The following ABCC10 variants were observed in gnomAD, a reference collection of about 807,000 sequenced individuals.
The protein encoded by ABCC10 is ATP-binding cassette sub-family C member 10.
In ABCC10, 110 loss-of-function variants were observed where a neutral mutation model predicts 143.2. The ratio of observed to expected loss-of-function variants is 0.77; its 90% CI spans 0.66 to 0.90. The LOEUF (loss-of-function observed/expected upper bound fraction) is 0.90. Among genes scored for constraint, ABCC10 ranks in the 40% least tolerant of loss-of-function variants. The pLI is 0.00. For synonymous variants in ABCC10, 805 were observed against 846.7 expected (o/e 0.95, Z 0.85); for missense variants, 1,700 against 1,900.5 (o/e 0.89, Z 1.96).
intron 4 of ABCC10, 67 bp downstream of exon 4, chr6:43,434,915 G>C: frequency 6.6e-7 from 1 of 1,516,070 alleles, no homozygotes; most frequent in Non-Finnish European, 9.1e-7. Flanking sequence ...AGAGGCTTGG[G>C]CCCTCAGTGC....
At chr6:43,437,637 G>A (rs538574517) in intron 6 of ABCC10, among the ~76,000 whole-genome samples, 1 of 152,164 alleles carries the variant, frequency 6.6e-6, no homozygotes, top group African/African-American at 2.4e-5. Context: ...GTTTACCTTG[G>A]AAGTTCTTGG....
chr6:43,447,424 C>G lies in ABCC10; in HGVS notation c.3705+16C>G, dbSNP rs200400219. 3 of 1,610,168 alleles carry G rather than the reference C, an allele frequency of 1.9e-6. No homozygotes were observed. Among genetic ancestry groups the G allele is most frequent in the Non-Finnish European group, 2.5e-6 (3 of 1,178,756 alleles). ...GCCACTGCAGGTGGGCCTGTACCCC[C>G]ACCCCAGGCCAAAGCTCTGGAACCC... On this transcript the variant is annotated intron_variant, in intron 17 of 21. Coordinates refer to ENST00000372530, the MANE Select transcript of ABCC10 (RefSeq NM_001198934.2).
intron 16 of ABCC10, 75 bp from the exon 17 acceptor site, chr6:43,447,173 T>G: frequency 6.6e-7 from 1 of 1,525,676 alleles, no homozygotes; most frequent in East Asian, 2.3e-5. Context: ...ATGCCAGCAG[T>G]CCACAGCCTG....
chr6:43,451,199 C>T (rs1783711391), downstream of ABCC10: 2 of 1,614,092 alleles, frequency 1.2e-6, no homozygotes, highest in Admixed American at 3.3e-5. The surrounding 1 kb of genome is among the most constrained non-coding windows in gnomAD (Gnocchi z 4.4). Flanking sequence ...CCACAAAGCC[C>T]ACCAAGCAGC....
At position 43,435,891 on chromosome 6, in the gene ABCC10, G is replaced by T; in HGVS notation, c.1749G>T (p.Gln583His). The change falls in exon 5 of 22, where the codon CAG becomes CAT. Residue 583 changes from glutamine (Q) to histidine (H), a missense_variant. Physicochemically the swap from Gln to His is conservative, Grantham distance 24 (BLOSUM62 0). Coordinates refer to ENST00000372530, the MANE Select transcript of ABCC10 (RefSeq NM_001198934.2). ...LFLDLPNHNP[Q>H]AYYSPDPPAE... Reference sequence around the variant, plus strand: ...TCGACCTTCCAAACCACAACCCCCAGGCCTACTACAGCCCAGGTAATGGGA... The same window carrying T: ...TCGACCTTCCAAACCACAACCCCCATGCCTACTACAGCCCAGGTAATGGGA... The T allele has an allele frequency of 1.9e-6, 3 of 1,614,118 alleles. No homozygotes were observed. Among genetic ancestry groups the T allele is most frequent in the Admixed American group, 1.7e-5 (1 of 60,012 alleles).
At chr6:43,429,227 G>C (rs1780829965) in intron 2 of ABCC10, among the ~76,000 whole-genome samples, 1 of 61,044 alleles carries the variant, frequency 1.6e-5, no homozygotes, top group Non-Finnish European at 3.4e-5. Context: ...AAAGAGACTT[G>C]AAGGGGTGAT....
Position 43,450,269 on chromosome 6 carries a change from T to A in ABCC10, c.*178T>A. The stretch of plus-strand genomic sequence containing the variant: ...AATCACTCCTTGGTGGGCAGCATCC[T>A]GAGGCTTCCCCAGAACCAGGCCTCT... On this transcript the variant is annotated 3_prime_UTR_variant, in exon 22 of 22. Coordinates refer to ENST00000372530, the MANE Select transcript of ABCC10 (RefSeq NM_001198934.2). The surrounding 1 kb of genome is among the most constrained non-coding windows in gnomAD (Gnocchi z 4.5). The A allele has an allele frequency of 1.1e-6, 1 of 913,802 alleles. No individual in the cohort carries two copies. Among genetic ancestry groups the A allele is most frequent in the East Asian group, 2.8e-5 (1 of 35,868 alleles). The allele number at this position is 913,802 out of a possible 1,614,324, so 56.6% of individuals were successfully genotyped here.
Position 43,449,142 on chromosome 6 carries a change from A to T in ABCC10, c.4141A>T (p.Ser1381Cys). The T allele has an allele frequency of 1.9e-6, 3 of 1,613,974 alleles. No individual in the cohort carries two copies. Among genetic ancestry groups the T allele is most frequent in the Non-Finnish European group, 2.5e-6 (3 of 1,179,988 alleles). ...LDGELGEGGRSLSLGQRQLLC... is the reference protein window; with the variant it reads ...LDGELGEGGRCLSLGQRQLLC... ...TGGTGAGCTGGGTGAGGGGGGCCGG[A>T]GCTTATCTCTTGGGCAGAGGCAGCT... is the stretch of plus-strand genomic sequence containing the variant. Residue 1381 changes from serine (S) to cysteine (C), a missense_variant, in exon 20 of 22, where the codon AGC becomes TGC. Ser to Cys is a moderately radical substitution (Grantham distance 112). Coordinates refer to ENST00000372530, the MANE Select transcript of ABCC10 (RefSeq NM_001198934.2).
chr6:43,444,214 G>A lies in ABCC10; in HGVS notation c.2550G>A (p.Glu850=), dbSNP rs1782780739. 6.2e-7 allele frequency: 1 copy of A among 1,614,160 alleles called. No homozygotes were observed. The highest frequency in any genetic ancestry group is 2.2e-5 in the East Asian group (1 of 44,892). The change falls in exon 12 of 22, where the codon GAG becomes GAA. Residue 850 remains glutamate, a synonymous_variant. Coordinates refer to ENST00000372530, the MANE Select transcript of ABCC10 (RefSeq NM_001198934.2). ...AAACAAAGGAGGGGCTGGAGGAGGA[G>A]CAGAGCACATCTGGTCGCCTGCTGC... ...PEKTKEGLEE[E]QSTSGRLLQE...
chr6:43,449,783 A>G, intron 21 of ABCC10, 146 bp from the exon 22 acceptor site: 3 of 991,840 alleles, frequency 3.0e-6, no homozygotes, highest in Non-Finnish European at 4.5e-6. Context: ...GGGACTCTGC[A>G]GTCCCTTCCC....
chr6:43,446,551 G>C lies in ABCC10; in HGVS notation c.3544+105G>C. 8 of 1,454,302 alleles carry C rather than the reference G, an allele frequency of 5.5e-6. No individual in the cohort carries two copies. The South Asian group carries it at 5.7e-5, about 10-fold the overall frequency. 90.1% of individuals were successfully genotyped at this position (1,454,302 alleles called of 1,614,324 possible). A position where few individuals can be genotyped will look rare whatever the true frequency, so the allele number is the denominator to read the frequency against. Reference sequence around the variant, plus strand: ...CCCAACATTTTCACCTCCCACCCAGGGTTCCCTGTGAGGATGTATCATGAT... The same window carrying C: ...CCCAACATTTTCACCTCCCACCCAGCGTTCCCTGTGAGGATGTATCATGAT... On this transcript the variant is annotated intron_variant, in intron 16 of 21. Transcript: ENST00000372530.
chr6:43,449,267 G>T (rs1783488533), intron 20 of ABCC10, 63 bp downstream of exon 20: 1 of 1,580,704 alleles, frequency 6.3e-7, no homozygotes, highest in Admixed American at 1.7e-5. Flanking sequence ...GGGAGGTGGG[G>T]AGGTAGAGTG....
intron 2 of ABCC10, among the ~76,000 whole-genome samples, 165 bp downstream of exon 2, chr6:43,428,304 GC>G (rs1398207675): frequency 2.0e-5 from 3 of 152,224 alleles, no homozygotes; most frequent in Non-Finnish European, 4.4e-5. Context: ...CTGTTCTTGG[GC>G]AAGTACCTGC....
intron 2 of ABCC10, 101 bp from the exon 3 acceptor site, chr6:43,432,041 G>C: frequency 6.6e-7 from 1 of 1,517,498 alleles, no homozygotes; most frequent in Non-Finnish European, 8.8e-7. Flanking sequence ...AAGGCAGGAA[G>C]GGAGTTGATT....
chr6:43,447,576 C>G (rs1783241131), intron 17 of ABCC10, 108 bp from the exon 18 acceptor site: 2 of 1,561,154 alleles, frequency 1.3e-6, no homozygotes, highest in Admixed American at 3.6e-5. Context: ...CTCATTCTCT[C>G]ATTCCTCTCA....
chr6:43,449,791 C>T, intron 21 of ABCC10, 138 bp from the exon 22 acceptor site: 1 of 1,084,588 alleles, frequency 9.2e-7, no homozygotes, highest in Non-Finnish European at 1.3e-6. Flanking sequence ...GCAGTCCCTT[C>T]CCCAGCACCA....
chr6:43,450,492 G>A (rs765154567), downstream of ABCC10: 14 of 1,518,716 alleles, frequency 9.2e-6, no homozygotes, highest in Middle Eastern at 2.0e-4. This position sits in a 1 kb window ranked among gnomAD's most constrained non-coding sequence, Gnocchi z 4.5. Context: ...ACTCCAGTCT[G>A]AGGGGTGGAA....
Position 43,432,792 on chromosome 6 carries a change from C to T in ABCC10, c.812C>T (p.Ala271Val). ...RVFQAHWQEG[A>V]RLWRALYGAF... ...TTCCAGGCACACTGGCAGGAGGGGG[C>T]ACGGCTGTGGAGGGCCTTGTATGGG... The change falls in exon 3 of 22, where the codon GCA (alanine) becomes GTA (valine). Residue 271 changes from alanine to valine, a missense_variant. Transcript: ENST00000372530. 1 of 1,614,160 alleles carries T rather than the reference C, an allele frequency of 6.2e-7. No individual in the cohort carries two copies. The highest frequency in any genetic ancestry group is 8.5e-7 in the Non-Finnish European group (1 of 1,180,024).
chr6:43,435,832 G>T lies in ABCC10; in HGVS notation c.1690G>T (p.Ala564Ser). The stretch of plus-strand genomic sequence containing the variant: ...TTGGGTGATCAATGGTCTCCTGGAG[G>T]CCAAAGTGTCCTTGGACCGGATCCA... ...FPWVINGLLEAKVSLDRIQLF... is the reference protein window; with the variant it reads ...FPWVINGLLESKVSLDRIQLF... Residue 564 changes from alanine (A) to serine (S), a missense_variant, in exon 5 of 22, where the codon GCC (alanine) becomes TCC (serine). By Grantham distance (99) the Ala-to-Ser change is moderately conservative (BLOSUM62 1). Transcript: ENST00000372530. 1 of 1,614,170 alleles carries T rather than the reference G, an allele frequency of 6.2e-7. No individual in the cohort carries two copies. The highest frequency in any genetic ancestry group is 1.1e-5 in the South Asian group (1 of 91,090).
Sources: gnomAD v4.1 joint callset for allele counts (sites outside exome capture counted in the v4.1 genomes callset) on GRCh38, gnomAD v4.1.1 for gene constraint, Gnocchi (gnomAD v3.1) non-coding constraint, MANE v1.5 for transcripts, NCBI Gene and HGNC (gene_info 2026-07-23, HGNC 2026-07-21) for gene names.